UPRT: variants seen among roughly 807,000 people sequenced by gnomAD.
The protein encoded by UPRT is RP11-311P8.3.
UPRT carries 5 observed loss-of-function variants against 22.6 expected under a neutral mutation model. That is an observed-to-expected ratio of 0.22 (90% CI 0.12 to 0.47). The LOEUF is 0.47. Ranked by LOEUF, UPRT falls within the 20% of genes least tolerant of loss-of-function variation. UPRT has a pLI of 0.99. For missense variants in UPRT, 181 were observed against 239.9 expected, an observed-to-expected ratio of 0.75 and a Z score of 1.62; for synonymous variants, 77 against 87.7, an observed-to-expected ratio of 0.88 and a Z score of 0.68.
intron 1 of UPRT, among the ~76,000 whole-genome samples, chrX:75,160,364 C>G (rs1602431636): frequency 9.0e-6 from 1 of 111,409 alleles, no homozygotes; most frequent in East Asian, 2.8e-4. Flanking sequence ...GTGTCTCTTA[C>G]ATGTTGTCAG....
In UPRT at chrX:75,245,779, G is replaced by C. The variant is rs180778802; in HGVS notation, c.-446-45245G>C. 6.8e-4 allele frequency among the ~76,000 whole-genome samples: 76 copies of C among 111,058 alleles called. No homozygotes were observed. The East Asian group carries it at 0.014, about 21-fold the overall frequency. On this transcript the variant is annotated intron_variant, in intron 4 of 13. Coordinates refer to the UPRT transcript ENST00000652605. The stretch of plus-strand genomic sequence containing the variant: ...ACACGAAGAGGAAAACAATAGACAT[G>C]GGGGCCTACTTGTGGGTGGAGAAAG...
At chrX:75,267,250 A>G (rs779661833) in intron 4 of UPRT, among the ~76,000 whole-genome samples, 2 of 112,246 alleles carry the variant, frequency 1.8e-5, no homozygotes, top group South Asian at 7.4e-4. Context: ...GCAGCCATAA[A>G]AAAGGATGAG....
chrX:75,293,451 A>G (rs2082715140), intron 1 of UPRT, 21 bp from the exon 2 acceptor site: 1 of 1,197,245 alleles, frequency 8.4e-7, no homozygotes, highest in Non-Finnish European at 1.1e-6. Flanking sequence ...TTAGACTAAA[A>G]CTTGTATTAT....
intron 4 of UPRT, among the ~76,000 whole-genome samples, chrX:75,209,056 G>A (rs2082373647): frequency 1.8e-5 from 2 of 111,991 alleles, no homozygotes; most frequent in Non-Finnish European, 3.8e-5. Flanking sequence ...AACCAGGAAG[G>A]AGTAGGTAAA....
intron 4 of UPRT, among the ~76,000 whole-genome samples, chrX:75,170,499 A>G (rs2082224254): frequency 8.9e-6 from 1 of 111,981 alleles, no homozygotes; most frequent in Non-Finnish European, 1.9e-5. Context: ...TGAAGATGGC[A>G]GATACTTGGT....
intron 4 of UPRT, among the ~76,000 whole-genome samples, chrX:75,238,253 A>G (rs1008502100): frequency 1.8e-5 from 2 of 111,136 alleles, no homozygotes; most frequent in Non-Finnish European, 3.8e-5. Context: ...TCACATAAGG[A>G]CTCACATAAA....
chrX:75,158,775 T>C (rs1286805958), intron 1 of UPRT, among the ~76,000 whole-genome samples: 1 of 111,611 alleles, frequency 9.0e-6, no homozygotes, highest in Non-Finnish European at 1.9e-5. Context: ...TAAATGACTT[T>C]TTCTTATCTT....
intron 4 of UPRT, among the ~76,000 whole-genome samples, chrX:75,225,772 A>T (rs775300478): frequency 9.0e-6 from 1 of 111,154 alleles, no homozygotes; most frequent in Non-Finnish European, 1.9e-5. Flanking sequence ...AGGTCTTTGA[A>T]CCTCTTCTAT....
At chrX:75,291,228 C>T (rs1384787341) in intron 1 of UPRT, among the ~76,000 whole-genome samples, 1 of 111,450 alleles carries the variant, frequency 9.0e-6, no homozygotes, top group Admixed American at 9.6e-5. Context: ...ATTACAAGTG[C>T]CTGGATATCA....
intron 4 of UPRT, among the ~76,000 whole-genome samples, chrX:75,247,213 G>T (rs1440251870): frequency 9.0e-6 from 1 of 111,379 alleles, no homozygotes; most frequent in Non-Finnish European, 1.9e-5. Context: ...ATCTCACTGG[G>T]GAGTGCCAGA....
intron 4 of UPRT, among the ~76,000 whole-genome samples, chrX:75,229,921 A>T (rs1251538223): frequency 8.9e-6 from 1 of 112,395 alleles, no homozygotes; most frequent in African/African-American, 3.2e-5. Flanking sequence ...AAGTGCAGAT[A>T]TGAGTGCAGA....
At chrX:75,175,242 C>G (rs139355107) in intron 4 of UPRT, among the ~76,000 whole-genome samples, 210 of 111,780 alleles carry the variant, frequency 1.9e-3, no homozygotes, top group Middle Eastern at 4.6e-3. Flanking sequence ...TAGGGGACAA[C>G]AAATGGGTAA....
chrX:75,207,961 A>G (rs1446760365), intron 4 of UPRT, among the ~76,000 whole-genome samples: 3 of 111,381 alleles, frequency 2.7e-5, no homozygotes, highest in African/African-American at 9.8e-5. Flanking sequence ...TTAAAGTGAG[A>G]GTTGATGGGG....
At chrX:75,255,995 G>T (rs753158265) in intron 4 of UPRT, among the ~76,000 whole-genome samples, 1 of 111,696 alleles carries the variant, frequency 9.0e-6, no homozygotes, top group East Asian at 2.8e-4. Flanking sequence ...GATTTAAACT[G>T]TACTCTGGAG....
At chrX:75,303,028 A>G (rs1400545247) in intron 6 of UPRT, among the ~76,000 whole-genome samples, 18 of 111,229 alleles carry the variant, frequency 1.6e-4, no homozygotes, top group Non-Finnish European at 1.9e-5. Context: ...GGCTTGAGCC[A>G]CTGTGCTTGG....
chrX:75,189,630 T>A (rs188322784), intron 4 of UPRT, among the ~76,000 whole-genome samples: 1 of 111,926 alleles, frequency 8.9e-6, no homozygotes, highest in African/African-American at 3.3e-5. Context: ...TCTCTTTACA[T>A]GTCTCTAAGG....
chrX:75,250,562 ATAAT>A (rs1177606386), intron 4 of UPRT, among the ~76,000 whole-genome samples: 30 of 111,603 alleles, frequency 2.7e-4, no homozygotes, highest in African/African-American at 8.8e-4. Flanking sequence ...AATTGAGGCA[ATAAT>A]TAATAGCTTA....
intron 1 of UPRT, among the ~76,000 whole-genome samples, chrX:75,287,627 C>A (rs1197802450): frequency 1.8e-5 from 2 of 111,198 alleles, no homozygotes; most frequent in African/African-American, 3.3e-5. Context: ...GCAAAAAATT[C>A]TTTGAAATAA....
intron 4 of UPRT, among the ~76,000 whole-genome samples, chrX:75,248,749 C>A (rs2082516635): frequency 9.0e-6 from 1 of 111,413 alleles, no homozygotes. Flanking sequence ...CTCCAAGACA[C>A]ACAATTGTGA....
Sources: allele counts gnomAD v4.1 joint callset (sites outside exome capture counted in the v4.1 genomes callset), GRCh38; gene constraint gnomAD v4.1.1; transcripts MANE v1.5; gene names NCBI Gene and HGNC (gene_info 2026-07-23, HGNC 2026-07-21).